GSE1: variants seen among roughly 807,000 people sequenced by gnomAD.
GSE1 encodes the protein Gse1 coiled-coil protein, also known as genetic suppressor element 1.
In GSE1, 32 loss-of-function variants were observed where a neutral mutation model predicts 112.6. The ratio of observed to expected loss-of-function variants is 0.28; its 90% CI spans 0.21 to 0.38. The LOEUF (loss-of-function observed/expected upper bound fraction) is 0.38, where lower values mean the gene tolerates loss of function less well. GSE1 is among the 10% of genes least tolerant of loss of function. The pLI, the probability that GSE1 is intolerant of heterozygous loss-of-function variation, is 1.00. For missense variants in GSE1, 2,348 were observed against 1,699.2 expected (o/e 1.38, Z -6.71); for synonymous variants, 1,115 against 735.6 (o/e 1.52, Z -8.35).
chr16:85,205,068 C>T (rs1567609149), intron 1 of GSE1, among the ~76,000 whole-genome samples: 1 of 22,646 alleles, frequency 4.4e-5, no homozygotes, highest in Non-Finnish European at 1.0e-4. Context: ...CACTGGATCT[C>T]CCCGCAGCCC....
rs2052724198 is a variant in GSE1, at chr16:85,665,025, A to G, written c.2655A>G (p.Arg885=). 1.9e-6 allele frequency: 3 copies of G among 1,602,590 alleles called. No homozygotes were observed. Among genetic ancestry groups the G allele is most frequent in the African/African-American group, 1.3e-5 (1 of 74,652 alleles). Residue 885 remains arginine (R), a synonymous_variant, in exon 12 of 16, where the codon AGA becomes AGG. Transcript: ENST00000253458. ...ISAEKRKDKE[R]LVEMLRAMKQ... Reference sequence around the variant, plus strand: ...CTGCTTTTCTCATAGACAAAGAGAGACTTGTTGAAATGCTCCGTGCCATGA... The same window carrying G: ...CTGCTTTTCTCATAGACAAAGAGAGGCTTGTTGAAATGCTCCGTGCCATGA...
At chr16:85,194,860 G>C (rs778527736) in intron 1 of GSE1, among the ~76,000 whole-genome samples, 5 of 152,146 alleles carry the variant, frequency 3.3e-5, no homozygotes, top group African/African-American at 4.8e-5. Context: ...AAGGTGCCTA[G>C]GTCTGTGTAT....
chr16:85,673,407 A>G lies in GSE1; in HGVS notation c.*868A>G, dbSNP rs370854903. On this transcript the variant is annotated 3_prime_UTR_variant, in exon 16 of 16. Coordinates refer to ENST00000253458, the MANE Select transcript of GSE1 (RefSeq NM_014615.5). ...TTATAAAAAGCCTGCCATTTTTAAT[A>G]TGTGGTTTGGGGGATTTTTGTTTGT... The G allele has an allele frequency of 2.0e-4, 29 of 144,974 alleles. No individual in the cohort carries two copies. The East Asian group carries it at 5.1e-3, about 26-fold the overall frequency. 9.0% of individuals were successfully genotyped at this position (144,974 alleles called of 1,614,324 possible).
intron 2 of GSE1, among the ~76,000 whole-genome samples, chr16:85,420,463 A>G (rs1268417958): frequency 6.6e-6 from 1 of 151,962 alleles, no homozygotes; most frequent in East Asian, 1.9e-4. Context: ...CCCCATCGCC[A>G]TGTCTCCTCG....
intron 2 of GSE1, among the ~76,000 whole-genome samples, chr16:85,394,238 G>T (rs1016064371): frequency 6.6e-6 from 1 of 152,136 alleles, no homozygotes; most frequent in African/African-American, 2.4e-5. Context: ...CGAGGTCAAG[G>T]CCCGAGAAAT....
chr16:85,672,586 T>A lies in GSE1; in HGVS notation c.*47T>A. 2 of 1,325,010 alleles carry A rather than the reference T, an allele frequency of 1.5e-6. No homozygotes were observed. The highest frequency in any genetic ancestry group is 2.1e-6 in the Non-Finnish European group (2 of 965,014). The allele number at this position is 1,325,010 out of a possible 1,614,324, so 82.1% of individuals were successfully genotyped here. A position where few individuals can be genotyped will look rare whatever the true frequency, so the allele number is the denominator to read the frequency against. On this transcript the variant is annotated 3_prime_UTR_variant, in exon 16 of 16. Coordinates refer to ENST00000253458, the MANE Select transcript of GSE1 (RefSeq NM_014615.5). ...GAACCTATAGTATAGAAATATTATCTATTTTATTACCTTGAATATTTAATA... is the reference window on the plus strand; with the variant it reads ...GAACCTATAGTATAGAAATATTATCAATTTTATTACCTTGAATATTTAATA...
chr16:85,498,048 G>T (rs775604925), intron 2 of GSE1, among the ~76,000 whole-genome samples: 30 of 152,110 alleles, frequency 2.0e-4, no homozygotes, highest in Non-Finnish European at 2.9e-4. Flanking sequence ...CCTCAGTGGG[G>T]TGGGGGTGGG....
intron 1 of GSE1, among the ~76,000 whole-genome samples, chr16:85,184,017 C>G (rs2074650173): frequency 6.6e-6 from 1 of 152,226 alleles, no homozygotes; most frequent in African/African-American, 2.4e-5. Context: ...TATCATTCCC[C>G]AGAGAGTCTT....
chr16:85,508,570 C>A (rs1011023433), intron 2 of GSE1, among the ~76,000 whole-genome samples: 1 of 152,192 alleles, frequency 6.6e-6, no homozygotes, highest in Non-Finnish European at 1.5e-5. Flanking sequence ...CCGTCCACCC[C>A]CTCAGCTGTG....
chr16:85,320,933 T>C (rs975208627), intron 1 of GSE1, among the ~76,000 whole-genome samples: 1 of 152,152 alleles, frequency 6.6e-6, no homozygotes, highest in Non-Finnish European at 1.5e-5. Flanking sequence ...TCACTTCTTC[T>C]AGGAGTCTAC....
intron 1 of GSE1, among the ~76,000 whole-genome samples, chr16:85,560,995 G>A (rs141180660): frequency 1.3e-5 from 2 of 152,160 alleles, no homozygotes; most frequent in African/African-American, 4.8e-5. Context: ...AGTCGATCGT[G>A]GTGGTGCCTG....
At chr16:85,603,077 G>A (rs781342948) in intron 1 of GSE1, among the ~76,000 whole-genome samples, 37 of 152,256 alleles carry the variant, frequency 2.4e-4, no homozygotes, top group East Asian at 5.8e-4. Context: ...TTGGAGACAG[G>A]TGTGTTCATT....
At chr16:85,382,082 G>A (rs2047559371) in intron 2 of GSE1, among the ~76,000 whole-genome samples, 1 of 152,216 alleles carries the variant, frequency 6.6e-6, no homozygotes, top group Non-Finnish European at 1.5e-5. Flanking sequence ...TGGTCTCTTG[G>A]CTCCTCCGCT....
At position 85,540,989 on chromosome 16, in the gene GSE1, C is replaced by G. The variant is rs113192955; in HGVS notation, c.2465-92925C>G. Among the ~76,000 whole-genome samples, 501 of 152,124 alleles carry G rather than the reference C, an allele frequency of 3.3e-3. 5 individuals are homozygous for G. The highest frequency in any genetic ancestry group is 0.01 in the Middle Eastern group (3 of 294). ...CCATTATGAGACATTCAGGCCACTT[C>G]GCCAAGCAGGGTGGTGTGGCGGGGA... is the stretch of plus-strand genomic sequence containing the variant. On this transcript the variant is annotated intron_variant, in intron 2 of 2. Transcript: ENST00000637419.
intron 2 of GSE1, among the ~76,000 whole-genome samples, chr16:85,438,383 G>T (rs944942829): frequency 6.6e-6 from 1 of 152,178 alleles, no homozygotes; most frequent in Non-Finnish European, 1.5e-5. Flanking sequence ...GCGGAGGGGC[G>T]CACCCCGCTC....
At chr16:85,578,902 C>T (rs2046339835) in intron 1 of GSE1, among the ~76,000 whole-genome samples, 1 of 151,646 alleles carries the variant, frequency 6.6e-6, no homozygotes, top group Non-Finnish European at 1.5e-5. Context: ...CTTACTGCGT[C>T]TCCTCAACTG....
At chr16:85,658,898 C>CCT (rs1279503775) in intron 8 of GSE1, among the ~76,000 whole-genome samples, 1 of 152,236 alleles carries the variant, frequency 6.6e-6, no homozygotes, top group Non-Finnish European at 1.5e-5. Context: ...CCCATCCGGA[C>CCT]CTGGGGCATG....
intron 1 of GSE1, among the ~76,000 whole-genome samples, chr16:85,290,553 A>G (rs1223763485): frequency 1.3e-5 from 2 of 152,140 alleles, no homozygotes; most frequent in East Asian, 3.9e-4. Context: ...CAGATTACAC[A>G]CTGCCCAAGG....
At chr16:85,184,248 A>G (rs917929181) in intron 1 of GSE1, among the ~76,000 whole-genome samples, 2 of 152,114 alleles carry the variant, frequency 1.3e-5, no homozygotes, top group Admixed American at 6.5e-5. Context: ...GTTCTGGTTT[A>G]TTACCTTGTC....
Sources: allele counts gnomAD v4.1 joint callset (sites outside exome capture counted in the v4.1 genomes callset), GRCh38; gene constraint gnomAD v4.1.1; transcripts MANE v1.5; gene names NCBI Gene and HGNC (gene_info 2026-07-23, HGNC 2026-07-21).